The following REEP3 variants were observed in gnomAD, a reference collection of about 807,000 sequenced individuals.
REEP3 encodes receptor accessory protein 3.
REEP3 carries 20 observed loss-of-function variants against 41.3 expected under a neutral mutation model. That is an observed-to-expected ratio of 0.48 (90% CI 0.34 to 0.70). The LOEUF (loss-of-function observed/expected upper bound fraction) is 0.70, where lower values mean the gene tolerates loss of function less well. Ranked by LOEUF, REEP3 falls within the 30% of genes least tolerant of loss-of-function variation. REEP3 has a pLI of 0.01. For missense variants in REEP3, 271 were observed against 308.8 expected, an observed-to-expected ratio of 0.88 and a Z score of 0.92; for synonymous variants, 104 against 101.8, an observed-to-expected ratio of 1.02 and a Z score of -0.13.
intron 1 of REEP3, among the ~76,000 whole-genome samples, chr10:63,533,294 T>G (rs1955441610): frequency 6.6e-6 from 1 of 152,212 alleles, no homozygotes; most frequent in African/African-American, 2.4e-5. Context: ...CTAGTCGTTC[T>G]TGAGTGTTGA....
At chr10:63,593,834 A>T (rs2133403980) in intron 2 of REEP3, among the ~76,000 whole-genome samples, 1 of 152,242 alleles carries the variant, frequency 6.6e-6, no homozygotes, top group South Asian at 2.1e-4. Context: ...ACCATTGTGG[A>T]ATTAGAGTGG....
chr10:63,534,451 T>G (rs1464515762), intron 1 of REEP3, among the ~76,000 whole-genome samples: 1 of 152,188 alleles, frequency 6.6e-6, no homozygotes, highest in African/African-American at 2.4e-5. Flanking sequence ...GGCCTTGTTA[T>G]GTTGCCCAGA....
chr10:63,588,675 T>G (rs1333828267), intron 2 of REEP3, among the ~76,000 whole-genome samples: 1 of 152,204 alleles, frequency 6.6e-6, no homozygotes, highest in Non-Finnish European at 1.5e-5. Context: ...GGGTTTACAT[T>G]CTACTAGGGA....
intron 1 of REEP3, among the ~76,000 whole-genome samples, chr10:63,537,263 C>A (rs1404561142): frequency 6.6e-6 from 1 of 151,918 alleles, no homozygotes; most frequent in Non-Finnish European, 1.5e-5. Context: ...GATATGATTA[C>A]CTATGGTATG....
intron 5 of REEP3, among the ~76,000 whole-genome samples, chr10:63,602,868 T>C (rs1351841781): frequency 6.6e-6 from 1 of 152,208 alleles, no homozygotes; most frequent in Non-Finnish European, 1.5e-5. Flanking sequence ...TACTGCATAG[T>C]AGGTACTGGG....
chr10:63,530,746 A>G (rs988096487), intron 1 of REEP3, among the ~76,000 whole-genome samples: 4 of 152,220 alleles, frequency 2.6e-5, no homozygotes, highest in African/African-American at 9.6e-5. Context: ...TACTTTAAGT[A>G]TAGATGAAAC....
chr10:63,545,266 A>G (rs1403205315), intron 1 of REEP3, among the ~76,000 whole-genome samples: 1 of 152,350 alleles, frequency 6.6e-6, no homozygotes, highest in African/African-American at 2.4e-5. Flanking sequence ...TCAAATGTTT[A>G]CCATTTATTT....
In REEP3 at chr10:63,599,390, T is replaced by G. The variant is rs1956150998; in HGVS notation, c.417+107T>G. On this transcript the variant is annotated intron_variant, in intron 5 of 7. Coordinates refer to ENST00000373758, the MANE Select transcript of REEP3 (RefSeq NM_001001330.3). ...AATTGTGGCATTTTGCTATATTTAT[T>G]TTTCTAATACTGGAAAACAAGTAAA... 14 of 485,654 alleles carry G rather than the reference T, an allele frequency of 2.9e-5. No individual in the cohort carries two copies. In the East Asian group the frequency reaches 5.2e-4, roughly 18 times the overall value. 30.1% of individuals were successfully genotyped at this position (485,654 alleles called of 1,614,324 possible).
chr10:63,598,522 C>T (rs1451427004), intron 4 of REEP3, among the ~76,000 whole-genome samples: 22 of 147,580 alleles, frequency 1.5e-4, no homozygotes, highest in Admixed American at 8.9e-4. Flanking sequence ...CGGTGGCTCA[C>T]GCCTGTAATC....
intron 2 of REEP3, among the ~76,000 whole-genome samples, chr10:63,573,288 A>G (rs1002569404): frequency 1.3e-5 from 2 of 152,224 alleles, no homozygotes; most frequent in Non-Finnish European, 2.9e-5. Flanking sequence ...TGGCCTACTT[A>G]AAGACTTTCA....
At position 63,555,277 on chromosome 10, in the gene REEP3, C is replaced by T. The variant is rs571680331; in HGVS notation, c.33-11061C>T. ...GTTGTTTTTTTCCCCATGGGTTTGA[C>T]TCTTTCTCCTTGTATGGAATTTTCA... On this transcript the variant is annotated intron_variant, in intron 1 of 7. Coordinates refer to ENST00000373758, the MANE Select transcript of REEP3 (RefSeq NM_001001330.3). Among the ~76,000 whole-genome samples, 3 of 152,164 alleles carry T rather than the reference C, an allele frequency of 2.0e-5. No homozygotes were observed. In the South Asian group the frequency reaches 6.2e-4, roughly 31 times the overall value.
chr10:63,592,059 C>T (rs1956069221), intron 2 of REEP3, among the ~76,000 whole-genome samples: 1 of 152,204 alleles, frequency 6.6e-6, no homozygotes, highest in African/African-American at 2.4e-5. Flanking sequence ...CCATATTTCA[C>T]TTAAGCCTCC....
At chr10:63,556,634 G>GTTTTTTT (rs370073734) in intron 1 of REEP3, among the ~76,000 whole-genome samples, 1 of 78,564 alleles carries the variant, frequency 1.3e-5, no homozygotes, top group African/African-American at 4.5e-5. Flanking sequence ...TTGTTGTTTT[G>GTTTTTTT]TTTTTTTTTT....
chr10:63,624,111 T>G lies in REEP3; in HGVS notation c.*3242T>G, dbSNP rs1249482972. On this transcript the variant is annotated 3_prime_UTR_variant, in exon 8 of 8. Transcript: ENST00000373758. ...TTTGTATTAATTGGGATGGACTAAATTTTCATTTGATTATCAGGAAAATTA... is the reference window on the plus strand; with the variant it reads ...TTTGTATTAATTGGGATGGACTAAAGTTTCATTTGATTATCAGGAAAATTA... 3.3e-5 allele frequency: 5 copies of G among 152,146 alleles called. No homozygotes were observed. The highest frequency in any genetic ancestry group is 7.2e-5 in the African/African-American group (3 of 41,440). The allele number at this position is 152,146 out of a possible 1,614,324, so 9.4% of individuals were successfully genotyped here. A position where few individuals can be genotyped will look rare whatever the true frequency, so the allele number is the denominator to read the frequency against.
intron 2 of REEP3, among the ~76,000 whole-genome samples, chr10:63,589,771 G>C (rs1402141626): frequency 4.4e-5 from 6 of 134,934 alleles, no homozygotes; most frequent in African/African-American, 1.6e-4. Flanking sequence ...AATGTACTAA[G>C]AACAGCAGAA....
intron 3 of REEP3, among the ~76,000 whole-genome samples, chr10:63,595,453 A>C (rs1183126770): frequency 6.6e-6 from 1 of 152,208 alleles, no homozygotes; most frequent in African/African-American, 2.4e-5. Context: ...TTTCCATCTA[A>C]ACCCTGCAAT....
intron 3 of REEP3, among the ~76,000 whole-genome samples, chr10:63,597,400 A>T (rs1393371695): frequency 6.6e-6 from 1 of 152,210 alleles, no homozygotes; most frequent in Non-Finnish European, 1.5e-5. Flanking sequence ...GGCTCTGCAG[A>T]TAGGGTGGCC....
intron 2 of REEP3, among the ~76,000 whole-genome samples, chr10:63,584,827 A>G (rs1331269990): frequency 6.6e-6 from 1 of 152,206 alleles, no homozygotes; most frequent in East Asian, 1.9e-4. Context: ...GTCAGAAAAT[A>G]AAGTTCTCAT....
At chr10:63,582,029 G>A (rs1955958915) in intron 2 of REEP3, among the ~76,000 whole-genome samples, 3 of 151,982 alleles carry the variant, frequency 2.0e-5, no homozygotes, top group Admixed American at 2.0e-4. Flanking sequence ...CATTCTCTTC[G>A]GAAATGGCAC....
Sources: allele counts gnomAD v4.1 joint callset (sites outside exome capture counted in the v4.1 genomes callset), GRCh38; gene constraint gnomAD v4.1.1; transcripts MANE v1.5; gene names NCBI Gene and HGNC (gene_info 2026-07-23, HGNC 2026-07-21).